BCOR: variants seen among roughly 807,000 people sequenced by gnomAD.
BCOR encodes the protein BCL6 corepressor, also known as BCL-6 corepressor.
BCOR carries 10 observed loss-of-function variants against 86.7 expected under a neutral mutation model. That is an observed-to-expected ratio of 0.12 (90% CI 0.07 to 0.20). The LOEUF (loss-of-function observed/expected upper bound fraction) is 0.20. BCOR is among the 10% of genes least tolerant of loss of function. BCOR has a pLI of 1.00. For missense variants in BCOR, 1,259 were observed against 1,452.1 expected (o/e 0.87, Z 2.16); for synonymous variants, 611 against 609.0 (o/e 1.00, Z -0.05).
chrX:40,067,628 G>A (rs781436258), intron 6 of BCOR, among the ~76,000 whole-genome samples: 7 of 111,583 alleles, frequency 6.3e-5, no homozygotes, highest in Non-Finnish European at 1.1e-4. Flanking sequence ...TTCCGCAAAC[G>A]AGATCTTTCC....
At chrX:40,110,677 T>C (rs1937292283) in intron 1 of BCOR, among the ~76,000 whole-genome samples, 2 of 9,031 alleles carry the variant, frequency 2.2e-4, no homozygotes, top group Non-Finnish European at 3.5e-4. Flanking sequence ...CTTTTTTTTT[T>C]TTTTTTTTTT....
At chrX:40,097,982 C>T (rs1936976611), upstream of BCOR, among the ~76,000 whole-genome samples, 1 of 109,077 alleles carries the variant, frequency 9.2e-6, no homozygotes, top group South Asian at 4.0e-4. Context: ...GCGATCCCAA[C>T]GCGTCCCCCC....
chrX:40,065,459 G>C (rs541612991), intron 6 of BCOR, among the ~76,000 whole-genome samples: 1 of 112,262 alleles, frequency 8.9e-6, no homozygotes, highest in Non-Finnish European at 1.9e-5. Context: ...GGCAAGCATC[G>C]ACAGACATCT....
intron 1 of BCOR, among the ~76,000 whole-genome samples, chrX:40,135,579 A>C (rs958068625): frequency 9.0e-6 from 1 of 111,044 alleles, no homozygotes; most frequent in African/African-American, 3.3e-5. Flanking sequence ...TAGTAGAGAC[A>C]GGGTTTCACC....
Position 40,074,578 on chromosome X carries a change from G to A in BCOR, c.768C>T (p.His256=), listed in dbSNP as rs933619444. Reference sequence around the variant, plus strand: ...TGGGTGATGCCAAGGACGATGGGATGTGGGGACCGACGTAGTGAGGTGGCG... The same window carrying A: ...TGGGTGATGCCAAGGACGATGGGATATGGGGACCGACGTAGTGAGGTGGCG... The part of the protein sequence containing the change: ...YLPPPHYVGP[H]IPSSLASPMR... The change falls in exon 4 of 15, where the codon CAC becomes CAT. Residue 256 remains histidine (H), a synonymous_variant. Coordinates refer to ENST00000378444, the MANE Select transcript of BCOR (RefSeq NM_001123385.2). 1.7e-6 allele frequency: 2 copies of A among 1,212,100 alleles called. No homozygotes were observed. Among genetic ancestry groups the A allele is most frequent in the Non-Finnish European group, 2.2e-6 (2 of 895,443 alleles).
chrX:40,088,747 G>A (rs980840802), intron 1 of BCOR, among the ~76,000 whole-genome samples: 1 of 111,771 alleles, frequency 8.9e-6, no homozygotes, highest in African/African-American at 3.3e-5. Flanking sequence ...CATAACATCC[G>A]GACTTAATCC....
At chrX:40,110,561 G>A (rs1054990434) in intron 1 of BCOR, among the ~76,000 whole-genome samples, 2 of 107,897 alleles carry the variant, frequency 1.9e-5, no homozygotes, top group African/African-American at 6.7e-5. Context: ...CTGGAACTCT[G>A]AGCACACTTC....
At chrX:40,108,924 G>T (rs1363511047) in intron 1 of BCOR, among the ~76,000 whole-genome samples, 3 of 113,204 alleles carry the variant, frequency 2.7e-5, no homozygotes, top group African/African-American at 6.4e-5. Context: ...TGCTTAAGGG[G>T]AAGGTAACAC....
intron 1 of BCOR, among the ~76,000 whole-genome samples, chrX:40,154,789 G>A (rs1938250542): frequency 8.9e-6 from 1 of 112,376 alleles, no homozygotes; most frequent in Non-Finnish European, 1.9e-5. Context: ...CAGCAGCAGG[G>A]ACGCAGCGTG....
At chrX:40,084,429 T>G (rs1936255094) in intron 1 of BCOR, among the ~76,000 whole-genome samples, 1 of 112,019 alleles carries the variant, frequency 8.9e-6, no homozygotes, top group African/African-American at 3.3e-5. Flanking sequence ...AGGGCAAATT[T>G]AGAAACAGGT....
In BCOR at chrX:40,073,710, G is replaced by T. The variant is rs749267751; in HGVS notation, c.1636C>A (p.Arg546Ser). The T allele has an allele frequency of 8.3e-7, 1 of 1,211,721 alleles. No homozygotes were observed. Among genetic ancestry groups the T allele is most frequent in the African/African-American group, 1.7e-5 (1 of 57,745 alleles). ...IPQQRSSSCPRMGGTDAVITN... is the reference protein window; with the variant it reads ...IPQQRSSSCPSMGGTDAVITN... The stretch of plus-strand genomic sequence containing the variant: ...ATGACAGCATCGGTGCCGCCCATGC[G>T]CGGGCATGATGAACTCCGCTGCTGT... The change falls in exon 4 of 15, where the codon CGC (arginine) becomes AGC (serine). Residue 546 changes from arginine to serine, a missense_variant. Arg to Ser is a moderately radical substitution (Grantham distance 110, BLOSUM62 -1). This residue lies in a region of BCOR where 534 missense variants were observed against 594.8 expected (regional missense o/e 0.90). Coordinates refer to ENST00000378444, the MANE Select transcript of BCOR (RefSeq NM_001123385.2).
In BCOR at chrX:40,144,032, G is replaced by T. The variant is rs773786361; in HGVS notation, c.-41+32975C>A. 5.4e-5 allele frequency among the ~76,000 whole-genome samples: 6 copies of T among 112,019 alleles called. No individual in the cohort carries two copies. The East Asian group carries it at 1.7e-3, about 31-fold the overall frequency. On this transcript the variant is annotated intron_variant, in intron 1 of 14. Coordinates refer to the BCOR transcript ENST00000342274. Reference sequence around the variant, plus strand: ...TTCTCCTTACCAATAGGAAGGCTCCGGTTTGAACTCTACCTGTTCATGGGG... The same window carrying T: ...TTCTCCTTACCAATAGGAAGGCTCCTGTTTGAACTCTACCTGTTCATGGGG...
At chrX:40,168,119 G>A (rs996316401) in intron 1 of BCOR, among the ~76,000 whole-genome samples, 3 of 112,878 alleles carry the variant, frequency 2.7e-5, no homozygotes, top group Non-Finnish European at 5.6e-5. Flanking sequence ...CGGCCACCAC[G>A]GGACCGCGGC....
At chrX:40,151,829 C>T (rs1339030426) in intron 1 of BCOR, among the ~76,000 whole-genome samples, 1 of 111,968 alleles carries the variant, frequency 8.9e-6, no homozygotes, top group African/African-American at 3.2e-5. Flanking sequence ...GGCGGGGGCG[C>T]GGGGCCTCGA....
intron 1 of BCOR, among the ~76,000 whole-genome samples, chrX:40,158,828 C>T (rs756163459): frequency 8.9e-6 from 1 of 112,517 alleles, no homozygotes; most frequent in South Asian, 3.6e-4. Flanking sequence ...GGAGCGCTTG[C>T]TAAGGGCGAG....
At chrX:40,070,689 TC>T (rs1935433580) in intron 6 of BCOR, among the ~76,000 whole-genome samples, 1 of 111,706 alleles carries the variant, frequency 9.0e-6, no homozygotes, top group African/African-American at 3.3e-5. Context: ...GAAGTGTCAT[TC>T]CACTGCTACA....
intron 1 of BCOR, among the ~76,000 whole-genome samples, chrX:40,147,252 G>T (rs1181967150): frequency 8.9e-6 from 1 of 112,555 alleles, no homozygotes; most frequent in Non-Finnish European, 1.9e-5. Flanking sequence ...CACAGACCTC[G>T]AAGTCTGCCG....
intron 11 of BCOR, 53 bp downstream of exon 11, chrX:40,057,102 T>G: frequency 1.7e-6 from 2 of 1,181,006 alleles, no homozygotes; most frequent in Non-Finnish European, 1.2e-6. Flanking sequence ...ACCGCACAGA[T>G]AGGGAAGCTT....
chrX:40,140,375 A>G (rs1414227813), intron 1 of BCOR, among the ~76,000 whole-genome samples: 1 of 110,189 alleles, frequency 9.1e-6, no homozygotes, highest in Non-Finnish European at 1.9e-5. Context: ...GAGGCAGGAG[A>G]AGCACTTGAG....
Sources: allele counts gnomAD v4.1 joint callset (sites outside exome capture counted in the v4.1 genomes callset), GRCh38; gene constraint gnomAD v4.1.1; regional missense constraint gnomAD v4.1.1; transcripts MANE v1.5; gene names NCBI Gene and HGNC (gene_info 2026-07-23, HGNC 2026-07-21).